Variants in MSRA observed in about 807,000 individuals in gnomAD.
The protein encoded by MSRA is methionine sulfoxide reductase A.
MSRA carries 54 observed loss-of-function variants against 31.3 expected under a neutral mutation model. The ratio of observed to expected loss-of-function variants is 1.73; its 90% CI spans 1.39 to 2.17. The LOEUF (loss-of-function observed/expected upper bound fraction) is 2.17, where lower values mean the gene tolerates loss of function less well. Ranked by LOEUF, MSRA falls within the 30% of genes most tolerant of loss-of-function variation. The pLI is 0.00. For synonymous variants in MSRA, 169 were observed against 116.5 expected, an observed-to-expected ratio of 1.45 and a Z score of -2.90; for missense variants, 507 against 300.9, an observed-to-expected ratio of 1.69 and a Z score of -5.07.
intron 1 of MSRA, among the ~76,000 whole-genome samples, chr8:10,149,416 G>A (rs764422938): frequency 2.4e-4 from 36 of 152,290 alleles, no homozygotes; most frequent in East Asian, 1.2e-3. Context: ...GAGCCACCGC[G>A]CCCGGCTGAG....
intron 1 of MSRA, among the ~76,000 whole-genome samples, chr8:10,102,837 C>A (rs1799626616): frequency 6.6e-6 from 1 of 152,146 alleles, no homozygotes; most frequent in African/African-American, 2.4e-5. Context: ...GGGTGAAATT[C>A]AGGCTACCCA....
intron 1 of MSRA, among the ~76,000 whole-genome samples, chr8:10,089,530 G>A (rs181506605): frequency 2.8e-4 from 42 of 152,342 alleles, no homozygotes; most frequent in African/African-American, 1.0e-3. Flanking sequence ...CAAGGACATG[G>A]CTAGGAGGGG....
chr8:10,109,931 C>T (rs1326010177), intron 1 of MSRA, among the ~76,000 whole-genome samples: 1 of 152,122 alleles, frequency 6.6e-6, no homozygotes, highest in African/African-American at 2.4e-5. Context: ...GATCAGTTGC[C>T]ACAGTTTTTG....
chr8:10,194,217 TTCTA>T (rs1347680399), intron 1 of MSRA, among the ~76,000 whole-genome samples: 1 of 152,190 alleles, frequency 6.6e-6, no homozygotes, highest in African/African-American at 2.4e-5. Context: ...AATCTTTTAT[TTCTA>T]TCCAAAATTT....
At chr8:10,427,605 G>T (rs988938919) in intron 5 of MSRA, among the ~76,000 whole-genome samples, 2 of 152,184 alleles carry the variant, frequency 1.3e-5, no homozygotes, top group African/African-American at 2.4e-5. Flanking sequence ...GGGACACTCT[G>T]TCTATCCTGG....
chr8:10,245,154 G>A lies in MSRA; in HGVS notation c.262G>A (p.Val88Met). Residue 88 changes from valine to methionine, a missense_variant, in exon 3 of 6, where the codon GTG (valine) becomes ATG (methionine). Transcript: ENST00000317173. ...AAGGAAATTCTGGGTCTTGAAAGGAGTGTATTCAACTCAAGTTGGTTTTGC... is the reference window on the plus strand; with the variant it reads ...AAGGAAATTCTGGGTCTTGAAAGGAATGTATTCAACTCAAGTTGGTTTTGC... ...AERKFWVLKG[V>M]YSTQVGFAGG... The A allele has an allele frequency of 6.8e-6, 11 of 1,613,720 alleles. No individual in the cohort carries two copies. The highest frequency in any genetic ancestry group is 9.3e-6 in the Non-Finnish European group (11 of 1,179,824).
intron 5 of MSRA, among the ~76,000 whole-genome samples, chr8:10,409,552 A>T (rs1332223121): frequency 6.6e-6 from 1 of 152,192 alleles, no homozygotes; most frequent in Non-Finnish European, 1.5e-5. Context: ...CTTCTTACCA[A>T]ATGCAGCAGA....
intron 3 of MSRA, among the ~76,000 whole-genome samples, chr8:10,289,508 G>C (rs1800118468): frequency 6.6e-6 from 1 of 152,132 alleles, no homozygotes; most frequent in African/African-American, 2.4e-5. Context: ...TATCCTTTGT[G>C]TTACAGACAA....
Position 10,406,985 on chromosome 8 carries a change from C to T in MSRA, c.544-21163C>T, listed in dbSNP as rs78055448. On this transcript the variant is annotated intron_variant, in intron 5 of 5. Coordinates refer to ENST00000317173, the MANE Select transcript of MSRA (RefSeq NM_012331.5). ...CTCAGCCTTCTGGGCTCATGTAATC[C>T]TTCCATCTCGGTCTCCCAAATAGCT... 1.5e-4 allele frequency among the ~76,000 whole-genome samples: 23 copies of T among 152,312 alleles called. No homozygotes were observed. The East Asian group carries it at 4.3e-3, about 28-fold the overall frequency.
At chr8:10,400,239 G>A (rs976286922) in intron 5 of MSRA, among the ~76,000 whole-genome samples, 1 of 152,076 alleles carries the variant, frequency 6.6e-6, no homozygotes, top group Non-Finnish European at 1.5e-5. Context: ...AGGGAGAGGG[G>A]CTAAGAGTGG....
chr8:10,209,894 A>G (rs1182965785), intron 2 of MSRA, among the ~76,000 whole-genome samples: 1 of 152,264 alleles, frequency 6.6e-6, no homozygotes, highest in African/African-American at 2.4e-5. Flanking sequence ...TACAGATGAT[A>G]AAGTAGAATA....
chr8:10,320,036 A>G (rs1801960089), intron 5 of MSRA, 47 bp downstream of exon 5: 1 of 1,285,912 alleles, frequency 7.8e-7, no homozygotes. Flanking sequence ...CACCATGACT[A>G]GGGCCAGGTT....
At chr8:10,223,991 C>T (rs1033182634) in intron 2 of MSRA, among the ~76,000 whole-genome samples, 1 of 152,192 alleles carries the variant, frequency 6.6e-6, no homozygotes, top group African/African-American at 2.4e-5. Context: ...CCTAATCTAA[C>T]TAGTTCTGGG....
chr8:10,074,320 G>A (rs927993431), intron 1 of MSRA, among the ~76,000 whole-genome samples: 1 of 151,912 alleles, frequency 6.6e-6, no homozygotes, highest in Non-Finnish European at 1.5e-5. Context: ...CTGACCTCGT[G>A]ATCTGCCTGC....
chr8:10,267,900 C>T (rs1015033542), intron 3 of MSRA, among the ~76,000 whole-genome samples: 2 of 152,130 alleles, frequency 1.3e-5, no homozygotes, highest in Admixed American at 6.5e-5. Context: ...ACCATGAAAA[C>T]TGGCTTTACC....
intron 3 of MSRA, among the ~76,000 whole-genome samples, chr8:10,249,035 T>G (rs1233323458): frequency 6.6e-6 from 1 of 152,110 alleles, no homozygotes; most frequent in Non-Finnish European, 1.5e-5. Flanking sequence ...AGGAGGTTGG[T>G]GAGCTAGAAC....
intron 1 of MSRA, among the ~76,000 whole-genome samples, chr8:10,082,571 A>C (rs976720061): frequency 2.6e-5 from 4 of 152,060 alleles, no homozygotes; most frequent in African/African-American, 9.7e-5. Context: ...TTACTTCCAA[A>C]TCCTACCAAG....
At chr8:10,324,750 C>A (rs1244338975) in intron 5 of MSRA, among the ~76,000 whole-genome samples, 1 of 152,132 alleles carries the variant, frequency 6.6e-6, no homozygotes, top group African/African-American at 2.4e-5. Context: ...GGCAGAGAGA[C>A]TGGGGAGGAA....
chr8:10,384,670 G>A (rs942525411), intron 5 of MSRA, among the ~76,000 whole-genome samples: 1 of 152,216 alleles, frequency 6.6e-6, no homozygotes, highest in Admixed American at 6.5e-5. Context: ...TGTTGCACTA[G>A]CGGAAGGACT....
Sources: gnomAD v4.1 joint callset for allele counts (sites outside exome capture counted in the v4.1 genomes callset) on GRCh38, gnomAD v4.1.1 for gene constraint, MANE v1.5 for transcripts, NCBI Gene and HGNC (gene_info 2026-07-23, HGNC 2026-07-21) for gene names.